GABRB1: variants seen among roughly 807,000 people sequenced by gnomAD.
GABRB1 encodes the protein gamma-aminobutyric acid type A receptor subunit beta1, also known as gamma-aminobutyric acid receptor subunit beta-1.
A neutral mutation model predicts 51.6 loss-of-function variants in GABRB1; 17 were observed. That is an observed-to-expected ratio of 0.33 (90% CI 0.23 to 0.49). GABRB1 has a LOEUF of 0.49. Ranked by LOEUF, GABRB1 falls within the 20% of genes least tolerant of loss-of-function variation. The pLI is 0.99. For missense variants in GABRB1, 410 were observed against 600.6 expected, an observed-to-expected ratio of 0.68 and a Z score of 3.32; for synonymous variants, 247 against 218.9, an observed-to-expected ratio of 1.13 and a Z score of -1.14.
chr4:47,347,691 C>T (rs985073752), intron 5 of GABRB1, among the ~76,000 whole-genome samples: 7 of 152,074 alleles, frequency 4.6e-5, no homozygotes, highest in Admixed American at 2.0e-4. Context: ...TTTTTAGAGT[C>T]CATTATAAGC....
intron 5 of GABRB1, among the ~76,000 whole-genome samples, chr4:47,366,813 G>T (rs2110014823): frequency 1.3e-5 from 2 of 152,280 alleles, no homozygotes; most frequent in South Asian, 4.1e-4. Flanking sequence ...TGTCATGGAA[G>T]AATTAAAACT....
intron 4 of GABRB1, among the ~76,000 whole-genome samples, chr4:47,203,161 C>T (rs1005713106): frequency 1.3e-5 from 2 of 152,152 alleles, no homozygotes; most frequent in African/African-American, 4.8e-5. Flanking sequence ...ACAAGTCAGC[C>T]ACTTTGCTTG....
rs546870281 is a variant in GABRB1, at chr4:47,357,367, T to C, written c.544+37158T>C. 3.9e-5 allele frequency among the ~76,000 whole-genome samples: 6 copies of C among 152,304 alleles called. No individual in the cohort carries two copies. In the South Asian group the frequency reaches 1.2e-3, roughly 32 times the overall value. ...GTTTCTATGGCCAGTAGTCAGCTGATGTCAACATCCATCTACATATGTGGT... is the reference window on the plus strand; with the variant it reads ...GTTTCTATGGCCAGTAGTCAGCTGACGTCAACATCCATCTACATATGTGGT... On this transcript the variant is annotated intron_variant, in intron 5 of 8. Transcript: ENST00000295454.
At chr4:47,339,750 AATCT>A (rs1283982254) in intron 5 of GABRB1, among the ~76,000 whole-genome samples, 1 of 151,668 alleles carries the variant, frequency 6.6e-6, no homozygotes, top group Admixed American at 6.6e-5. Flanking sequence ...ATGAGTTAAA[AATCT>A]GTTCTTTCCA....
At chr4:47,315,355 G>A (rs1724846284) in intron 4 of GABRB1, among the ~76,000 whole-genome samples, 1 of 151,878 alleles carries the variant, frequency 6.6e-6, no homozygotes, top group African/African-American at 2.4e-5. Flanking sequence ...AGTCAGAATG[G>A]CTATTATTAG....
intron 3 of GABRB1, among the ~76,000 whole-genome samples, chr4:47,109,534 A>G (rs1049964781): frequency 1.3e-5 from 2 of 152,036 alleles, no homozygotes; most frequent in African/African-American, 4.8e-5. Flanking sequence ...AAGAATGATA[A>G]TGTCTCTATA....
chr4:47,230,788 A>G (rs1485625160), intron 4 of GABRB1, among the ~76,000 whole-genome samples: 3 of 152,154 alleles, frequency 2.0e-5, no homozygotes. Flanking sequence ...CTTCCCATGG[A>G]ACCCATCTTG....
At chr4:47,218,216 T>C (rs1252641642) in intron 4 of GABRB1, among the ~76,000 whole-genome samples, 1 of 151,922 alleles carries the variant, frequency 6.6e-6, no homozygotes, top group Non-Finnish European at 1.5e-5. Context: ...ATATACCATG[T>C]GTTCTTTATC....
Position 47,206,605 on chromosome 4 carries a change from G to A in GABRB1, c.461+45136G>A, listed in dbSNP as rs28461711. Among the ~76,000 whole-genome samples, 345 of 151,862 alleles carry A rather than the reference G, an allele frequency of 2.3e-3. 2 individuals carry two copies. The highest frequency in any genetic ancestry group is 8.0e-3 in the African/African-American group (330 of 41,490). ...ATTTCATTATTTCATTTAATCTTCA[G>A]AACACTAAAGATCTAGATTTTATTA... On this transcript the variant is annotated intron_variant, in intron 4 of 8. Transcript: ENST00000295454.
chr4:47,250,883 C>A (rs374736263), intron 4 of GABRB1, among the ~76,000 whole-genome samples: 76 of 152,252 alleles, frequency 5.0e-4, no homozygotes, highest in Non-Finnish European at 9.3e-4. Flanking sequence ...CCTTGCATTG[C>A]GCTTCACATT....
intron 3 of GABRB1, among the ~76,000 whole-genome samples, chr4:47,158,552 C>T (rs747162763): frequency 6.6e-6 from 1 of 152,064 alleles, no homozygotes. Context: ...GTGTGGCACT[C>T]GTAAGAATCT....
chr4:47,401,610 A>G (rs1728387346), intron 5 of GABRB1, among the ~76,000 whole-genome samples: 3 of 152,220 alleles, frequency 2.0e-5, no homozygotes, highest in African/African-American at 7.2e-5. Context: ...CTGAGAACTC[A>G]CATTCCCCAG....
chr4:47,249,897 T>C (rs553913690), intron 4 of GABRB1, among the ~76,000 whole-genome samples: 1 of 152,320 alleles, frequency 6.6e-6, no homozygotes, highest in South Asian at 2.1e-4. Flanking sequence ...TTCTGTATTT[T>C]TTATGTGGAG....
intron 3 of GABRB1, among the ~76,000 whole-genome samples, chr4:47,058,168 A>G (rs1237066663): frequency 1.3e-5 from 2 of 152,232 alleles, no homozygotes; most frequent in African/African-American, 4.8e-5. Context: ...CGAGATGCTG[A>G]TAATACCTAG....
chr4:47,251,733 C>T (rs1721996129), intron 4 of GABRB1, among the ~76,000 whole-genome samples: 1 of 152,140 alleles, frequency 6.6e-6, no homozygotes, highest in Admixed American at 6.5e-5. Context: ...AGGATTATGG[C>T]TGCCTCTGCT....
At chr4:47,156,750 A>G (rs1006983041) in intron 3 of GABRB1, among the ~76,000 whole-genome samples, 1 of 151,928 alleles carries the variant, frequency 6.6e-6, no homozygotes, top group Non-Finnish European at 1.5e-5. Flanking sequence ...GGGGCAGATC[A>G]CCTGAGGTCA....
chr4:47,307,262 A>G (rs1192347557), intron 4 of GABRB1, among the ~76,000 whole-genome samples: 2 of 152,108 alleles, frequency 1.3e-5, no homozygotes, highest in Non-Finnish European at 2.9e-5. Flanking sequence ...GAATTTACCT[A>G]TTTAACACTG....
chr4:47,243,923 G>A (rs1431646426), intron 4 of GABRB1, among the ~76,000 whole-genome samples: 1 of 152,126 alleles, frequency 6.6e-6, no homozygotes, highest in Non-Finnish European at 1.5e-5. Flanking sequence ...ACTCTATGTT[G>A]AATAGGATTA....
intron 3 of GABRB1, among the ~76,000 whole-genome samples, chr4:47,083,485 T>A (rs1457457163): frequency 6.6e-6 from 1 of 152,154 alleles, no homozygotes; most frequent in African/African-American, 2.4e-5. Context: ...AGAGTATATA[T>A]TCTTCCAATT....
Sources: gnomAD v4.1 joint callset for allele counts (sites outside exome capture counted in the v4.1 genomes callset) on GRCh38, gnomAD v4.1.1 for gene constraint, MANE v1.5 for transcripts, NCBI Gene and HGNC (gene_info 2026-07-23, HGNC 2026-07-21) for gene names.